Variants in RALGDS observed in about 807,000 individuals in gnomAD.
RALGDS encodes ral guanine nucleotide dissociation stimulator, also known as ral guanine nucleotide exchange factor.
In RALGDS, 44 loss-of-function variants were observed where a neutral mutation model predicts 99.8. The ratio of observed to expected loss-of-function variants is 0.44; its 90% CI spans 0.35 to 0.57. The LOEUF (loss-of-function observed/expected upper bound fraction) is 0.57. Among genes scored for constraint, RALGDS ranks in the 20% least tolerant of loss-of-function variants. The pLI is 0.01. For missense variants in RALGDS, 1,022 were observed against 1,203.1 expected, an observed-to-expected ratio of 0.85 and a Z score of 2.23; for synonymous variants, 529 against 505.0, an observed-to-expected ratio of 1.05 and a Z score of -0.64.
At chr9:133,123,751 C>T (rs112329136), upstream of RALGDS, among the ~76,000 whole-genome samples, 3,351 of 69,492 alleles carry the variant, frequency 0.048, 86 homozygotes, top group Non-Finnish European at 0.096. Flanking sequence ...GACAGAGACA[C>T]AGACACACAC....
At chr9:133,111,440 T>G (rs916191398) in intron 2 of RALGDS, among the ~76,000 whole-genome samples, 2 of 152,098 alleles carry the variant, frequency 1.3e-5, no homozygotes, top group Non-Finnish European at 2.9e-5. Context: ...ACCACCATGC[T>G]TGGCTAATTT....
chr9:133,129,884 C>T (rs1481133656), intron 1 of RALGDS, among the ~76,000 whole-genome samples: 1 of 150,828 alleles, frequency 6.6e-6, no homozygotes, highest in Non-Finnish European at 1.5e-5. Flanking sequence ...GGTGCGACCT[C>T]GGCTCACTAT....
At chr9:133,101,283 C>G (rs777064078) in intron 16 of RALGDS, 1 of 1,374,184 alleles carries the variant, frequency 7.3e-7, no homozygotes, top group Admixed American at 2.2e-5. Context: ...CTCACCTCCC[C>G]TACAGCACCG....
rs889150937 is a variant in RALGDS, at chr9:133,106,747, T to C, written c.1415A>G (p.Glu472Gly). The C allele has an allele frequency of 1.2e-6, 2 of 1,606,806 alleles. No individual in the cohort carries two copies. Among genetic ancestry groups the C allele is most frequent in the Non-Finnish European group, 1.7e-6 (2 of 1,174,618 alleles). Reference sequence around the variant, plus strand: ...CGAGAAGTTCTTGAGGATCCGGCACTCCTGGGGCGGGAAGAGCAGGAGGCA... The same window carrying C: ...CGAGAAGTTCTTGAGGATCCGGCACCCCTGGGGCGGGAAGAGCAGGAGGCA... Reference protein sequence around the residue: ...VVEHWIEVARECRILKNFSSL... With the variant: ...VVEHWIEVARGCRILKNFSSL... The change falls in exon 8 of 18, where the codon GAG (glutamate) becomes GGG (glycine). Residue 472 changes from glutamate (E) to glycine (G), a missense_variant and splice_region_variant. Physicochemically the swap from Glu to Gly is moderately conservative, Grantham distance 98. Transcript: ENST00000372050.
rs1360984242 is a variant in RALGDS, at chr9:133,144,702, C to T, written c.18+4261G>A. Among the ~76,000 whole-genome samples, 2 of 152,230 alleles carry T rather than the reference C, an allele frequency of 1.3e-5. No homozygotes were observed. The highest frequency in any genetic ancestry group is 1.9e-4 in the East Asian group (1 of 5,190). Reference sequence around the variant, plus strand: ...GGGGCTGGGTTCCTGCGATGTCTTCCGACTCCCCGCTGCTCCCCTAGTCCC... The same window carrying T: ...GGGGCTGGGTTCCTGCGATGTCTTCTGACTCCCCGCTGCTCCCCTAGTCCC... On this transcript the variant is annotated intron_variant, in intron 1 of 17. Transcript: ENST00000393160. The surrounding 1 kb of genome is among the most constrained non-coding windows in gnomAD (Gnocchi z 4.5).
At chr9:133,099,912 G>T (rs567795451) in intron 17 of RALGDS, 1 of 333,478 alleles carries the variant, frequency 3.0e-6, no homozygotes, top group East Asian at 7.2e-5. Flanking sequence ...TGACACTTTG[G>T]TCCACAGCTG....
intron 1 of RALGDS, among the ~76,000 whole-genome samples, chr9:133,113,794 C>T (rs1240396085): frequency 6.6e-6 from 1 of 152,212 alleles, no homozygotes; most frequent in Admixed American, 6.5e-5. Context: ...TCTCTCTCTC[C>T]CAGGGATTTT....
Position 133,109,912 on chromosome 9 carries a change from A to G in RALGDS, c.489-191T>C, listed in dbSNP as rs886071066. On this transcript the variant is annotated intron_variant, in intron 3 of 17. Transcript: ENST00000372050. The stretch of plus-strand genomic sequence containing the variant: ...CAACCAGCTCCTTCCCAGCTATCTG[A>G]GCGCCCCTTGGGTCCCTCCAACAGC... Among the ~76,000 whole-genome samples the G allele has an allele frequency of 2.0e-5, 3 of 152,066 alleles. 1 individual carries two copies. The highest frequency in any genetic ancestry group is 4.4e-5 in the Non-Finnish European group (3 of 68,014).
At chr9:133,119,591 G>A (rs1831806010) in intron 1 of RALGDS, among the ~76,000 whole-genome samples, 1 of 152,090 alleles carries the variant, frequency 6.6e-6, no homozygotes, top group Admixed American at 6.6e-5. Flanking sequence ...TGAGCGCTCC[G>A]CCGGACCCTC....
At position 133,100,425 on chromosome 9, in the gene RALGDS, GAGCGGCTCCCCCAGAGTGC is replaced by G. The variant is rs533917088; in HGVS notation, c.2455-62_2455-44del. 3.2e-4 allele frequency: 521 copies of G among 1,611,796 alleles called. No individual in the cohort carries two copies. The African/African-American group carries it at 4.4e-3, about 14-fold the overall frequency. ...ATGGACCATCAGGGAAAAGACCCTG[GAGCGGCTCCCCCAGAGTGC>G]AGTGGCCAAGGACCCTCTGGAGTCC... On this transcript the variant is annotated intron_variant, in intron 16 of 17. Coordinates refer to ENST00000372050, the MANE Select transcript of RALGDS (RefSeq NM_006266.4).
chr9:133,104,799 G>T (rs964472265), intron 9 of RALGDS, among the ~76,000 whole-genome samples: 3 of 152,104 alleles, frequency 2.0e-5, no homozygotes, highest in Non-Finnish European at 4.4e-5. Context: ...GAGACAGAGC[G>T]AGACTCCTTC....
chr9:133,140,988 G>A (rs751834073), intron 1 of RALGDS, among the ~76,000 whole-genome samples: 2 of 152,228 alleles, frequency 1.3e-5, no homozygotes, highest in African/African-American at 2.4e-5. Context: ...CCCAGCCGAC[G>A]ACCCCCAAGT....
chr9:133,136,992 T>G (rs528587433), intron 1 of RALGDS, among the ~76,000 whole-genome samples: 19 of 151,374 alleles, frequency 1.3e-4, no homozygotes, highest in Non-Finnish European at 2.5e-4. Flanking sequence ...CCCAGCACTT[T>G]GGGAGGCCGA....
intron 1 of RALGDS, among the ~76,000 whole-genome samples, chr9:133,140,786 G>A (rs779518581): frequency 2.6e-5 from 4 of 152,156 alleles, no homozygotes; most frequent in Non-Finnish European, 4.4e-5. Flanking sequence ...TTGGTGCTGG[G>A]CTGGGGGCTC....
intron 1 of RALGDS, among the ~76,000 whole-genome samples, chr9:133,126,413 T>A (rs1469619346): frequency 1.3e-5 from 2 of 152,244 alleles, no homozygotes. Context: ...CGAAGTGTTT[T>A]TAAAATTTTA....
intron 2 of RALGDS, 38 bp downstream of exon 2, chr9:133,112,004 C>T (rs1445820518): frequency 2.2e-5 from 32 of 1,470,058 alleles, no homozygotes; most frequent in Middle Eastern, 1.7e-4. Flanking sequence ...GAGGGATCCC[C>T]AGCTGCGTCT....
At chr9:133,126,030 G>A (rs1266655868), upstream of RALGDS, among the ~76,000 whole-genome samples, 4 of 152,214 alleles carry the variant, frequency 2.6e-5, no homozygotes, top group Admixed American at 6.5e-5. Flanking sequence ...ACTTGGGTGG[G>A]TTTGACACTC....
upstream of RALGDS, among the ~76,000 whole-genome samples, chr9:133,122,180 G>A (rs180678946): frequency 1.6e-3 from 241 of 152,376 alleles, 2 homozygotes; most frequent in African/African-American, 5.4e-3. Flanking sequence ...TGAAGGGGAA[G>A]CAGGGACAGG....
At chr9:133,147,134 G>T (rs545907328) in intron 1 of RALGDS, among the ~76,000 whole-genome samples, 15 of 152,244 alleles carry the variant, frequency 9.9e-5, no homozygotes, top group African/African-American at 2.9e-4. Context: ...GGCCACACTG[G>T]CCTCCTTTCT....
Sources: allele counts gnomAD v4.1 joint callset (sites outside exome capture counted in the v4.1 genomes callset), GRCh38; gene constraint gnomAD v4.1.1; non-coding constraint Gnocchi (gnomAD v3.1); transcripts MANE v1.5; gene names NCBI Gene and HGNC (gene_info 2026-07-23, HGNC 2026-07-21).